Variants in LGR6 observed in about 807,000 individuals in gnomAD.
The protein encoded by LGR6 is leucine rich repeat containing G protein-coupled receptor 6.
In LGR6, 45 loss-of-function variants were observed where a neutral mutation model predicts 69.4. That is an observed-to-expected ratio of 0.65 (90% CI 0.51 to 0.83). The LOEUF (loss-of-function observed/expected upper bound fraction) is 0.83. Ranked by LOEUF, LGR6 falls within the 40% of genes least tolerant of loss-of-function variation. The pLI, the probability that LGR6 is intolerant of heterozygous loss-of-function variation, is 0.00. For missense variants in LGR6, 1,108 were observed against 1,246.7 expected, an observed-to-expected ratio of 0.89 and a Z score of 1.68; for synonymous variants, 538 against 555.0, an observed-to-expected ratio of 0.97 and a Z score of 0.43.
rs1277443435 is a variant in LGR6 at position 202,301,100 on chromosome 1, T to A, written c.858-64T>A. 3 of 1,476,630 alleles carry A rather than the reference T, an allele frequency of 2.0e-6. No individual in the cohort carries two copies. In the African/African-American group the frequency reaches 4.2e-5, roughly 20 times the overall value. The allele number at this position is 1,476,630 out of a possible 1,614,324, so 91.5% of individuals were successfully genotyped here. ...ATTGATAGGAGAAGAAAGCAGAGAT[T>A]GGCCTTAATCCCAGCAGAAAGGCCT... On this transcript the variant is annotated intron_variant, in intron 8 of 17. Transcript: ENST00000367278.
intron 4 of LGR6, among the ~76,000 whole-genome samples, chr1:202,253,898 C>T (rs1363918473): frequency 1.8e-4 from 24 of 129,924 alleles, no homozygotes; most frequent in South Asian, 7.8e-4. Flanking sequence ...CTCCGCCTCC[C>T]GGGTTCACGC....
chr1:202,238,120 A>G (rs2148007225), intron 4 of LGR6, among the ~76,000 whole-genome samples: 1 of 152,050 alleles, frequency 6.6e-6, no homozygotes, highest in Admixed American at 6.6e-5. Flanking sequence ...TTTTTGAGAA[A>G]GGGTCTGGCT....
intron 6 of LGR6, among the ~76,000 whole-genome samples, chr1:202,294,705 T>C (rs1392313398): frequency 6.6e-6 from 1 of 152,192 alleles, no homozygotes; most frequent in East Asian, 1.9e-4. Flanking sequence ...CTATATCACT[T>C]CCATTTCATT....
rs368637355 is a variant in LGR6 at position 202,280,775 on chromosome 1, G to A, written c.645-6G>A. 18 of 1,613,962 alleles carry A rather than the reference G, an allele frequency of 1.1e-5. No individual in the cohort carries two copies. Among genetic ancestry groups the A allele is most frequent in the Admixed American group, 8.3e-5 (5 of 59,994 alleles). On this transcript the variant is annotated splice_polypyrimidine_tract_variant and splice_region_variant and intron_variant, in intron 5 of 17. Coordinates refer to ENST00000367278, the MANE Select transcript of LGR6 (RefSeq NM_001017403.2). Reference sequence around the variant, plus strand: ...CCATTCTGATGCGTCTTTCCTTCCCGTGCAGGCATTTGCATAACAACCGCA... The same window carrying A: ...CCATTCTGATGCGTCTTTCCTTCCCATGCAGGCATTTGCATAACAACCGCA...
At chr1:202,202,103 T>A (rs1333771685) in intron 1 of LGR6, among the ~76,000 whole-genome samples, 1 of 152,004 alleles carries the variant, frequency 6.6e-6, no homozygotes, top group Non-Finnish European at 1.5e-5. Flanking sequence ...GAGAAGAGGC[T>A]TGAGTCCTGA....
intron 4 of LGR6, among the ~76,000 whole-genome samples, chr1:202,242,012 A>G (rs542339809): frequency 6.6e-6 from 1 of 152,246 alleles, no homozygotes; most frequent in Admixed American, 6.5e-5. Flanking sequence ...TGCTGAGAGG[A>G]AAAAGGTGGA....
chr1:202,244,969 G>A (rs932334447), intron 4 of LGR6, among the ~76,000 whole-genome samples: 1 of 152,192 alleles, frequency 6.6e-6, no homozygotes, highest in African/African-American at 2.4e-5. Context: ...GGGCAACAAG[G>A]CCAGAGGTCT....
chr1:202,274,724 TC>T (rs1253600557), intron 4 of LGR6, among the ~76,000 whole-genome samples: 3 of 152,092 alleles, frequency 2.0e-5, no homozygotes, highest in African/African-American at 7.2e-5. Context: ...AACACAAAGC[TC>T]CCCAGGGTGG....
At chr1:202,207,144 T>G (rs544325282) in intron 1 of LGR6, among the ~76,000 whole-genome samples, 1 of 152,198 alleles carries the variant, frequency 6.6e-6, no homozygotes, top group Admixed American at 6.5e-5. Context: ...CTCGAACTCC[T>G]GACCTCAGGT....
Position 202,318,609 on chromosome 1 carries a change from G to C in LGR6, c.2306G>C (p.Cys769Ser), listed in dbSNP as rs1654361351. 1 of 1,613,860 alleles carries C rather than the reference G, an allele frequency of 6.2e-7. No homozygotes were observed. ...PRGDFEAVWD[C>S]AMVRHVAWLI... ...GGCGACTTTGAGGCCGTGTGGGACT[G>C]CGCCATGGTGAGGCACGTGGCCTGG... Residue 769 changes from cysteine to serine, a missense_variant, in exon 18 of 18, where the codon TGC (cysteine) becomes TCC (serine). Transcript: ENST00000367278.
intron 1 of LGR6, among the ~76,000 whole-genome samples, chr1:202,217,125 C>G (rs1397598384): frequency 6.6e-6 from 1 of 152,182 alleles, no homozygotes; most frequent in African/African-American, 2.4e-5. Context: ...AGGGTGGGGA[C>G]CGGCCCCAGA....
intron 1 of LGR6, among the ~76,000 whole-genome samples, chr1:202,200,045 C>CA (rs1352493769): frequency 6.6e-6 from 1 of 152,198 alleles, no homozygotes; most frequent in African/African-American, 2.4e-5. Flanking sequence ...CCCATCAGAT[C>CA]ACCCTTCCTT....
intron 1 of LGR6, among the ~76,000 whole-genome samples, chr1:202,206,885 ATTAT>A (rs1157044330): frequency 2.8e-5 from 4 of 141,340 alleles, no homozygotes; most frequent in Admixed American, 7.2e-5. Context: ...GGTGCTGCAA[ATTAT>A]TTTATTTATT....
intron 4 of LGR6, among the ~76,000 whole-genome samples, chr1:202,256,709 G>T (rs1009508510): frequency 6.6e-6 from 1 of 152,196 alleles, no homozygotes; most frequent in Non-Finnish European, 1.5e-5. Flanking sequence ...CACATATGTT[G>T]TCAGTTATCC....
chr1:202,217,716 C>A (rs1659878975), intron 1 of LGR6, among the ~76,000 whole-genome samples: 1 of 152,144 alleles, frequency 6.6e-6, no homozygotes, highest in Admixed American at 6.5e-5. Context: ...TATCTTCCCC[C>A]ACATCCTGTC....
chr1:202,202,718 C>A (rs1658880222), intron 1 of LGR6, among the ~76,000 whole-genome samples: 1 of 152,212 alleles, frequency 6.6e-6, no homozygotes, highest in South Asian at 2.1e-4. Flanking sequence ...GCGGTGGAGG[C>A]AGGCCTGCAG....
intron 1 of LGR6, among the ~76,000 whole-genome samples, chr1:202,207,405 C>T (rs1659293521): frequency 6.6e-6 from 1 of 152,142 alleles, no homozygotes; most frequent in Non-Finnish European, 1.5e-5. Flanking sequence ...GCTTCTTGGC[C>T]TGAGCGTGGC....
At chr1:202,203,756 T>A in intron 1 of LGR6, 3 of 1,590,366 alleles carry the variant, frequency 1.9e-6, no homozygotes, top group Non-Finnish European at 2.6e-6. Flanking sequence ...GTCTAACTGA[T>A]GCTCCTAATG....
At chr1:202,231,452 A>G (rs1661062674) in intron 3 of LGR6, among the ~76,000 whole-genome samples, 1 of 152,050 alleles carries the variant, frequency 6.6e-6, no homozygotes, top group African/African-American at 2.4e-5. Flanking sequence ...TCATCCTTTC[A>G]AGTGATGGGA....
Sources: allele counts gnomAD v4.1 joint callset (sites outside exome capture counted in the v4.1 genomes callset), GRCh38; gene constraint gnomAD v4.1.1; transcripts MANE v1.5; gene names NCBI Gene and HGNC (gene_info 2026-07-23, HGNC 2026-07-21).